Variants in NPFFR2 observed in about 807,000 individuals in gnomAD.
The protein encoded by NPFFR2 is G-protein coupled receptor 74.
In NPFFR2, 15 loss-of-function variants were observed where a neutral mutation model predicts 13.1. That is an observed-to-expected ratio of 1.15 (90% CI 0.77 to 1.76). The LOEUF (loss-of-function observed/expected upper bound fraction) is 1.76, where lower values mean the gene tolerates loss of function less well. NPFFR2 is among the 40% of genes most tolerant of loss of function. The probability of loss-of-function intolerance (pLI) is 0.00; values close to 1 mark genes in which losing one functional copy is unlikely to be tolerated. For synonymous variants in NPFFR2, 190 were observed against 175.7 expected (o/e 1.08, Z -0.65); for missense variants, 572 against 503.5 (o/e 1.14, Z -1.30).
intron 2 of NPFFR2, among the ~76,000 whole-genome samples, chr4:72,135,118 C>G (rs922915815): frequency 6.6e-6 from 1 of 152,088 alleles, no homozygotes; most frequent in Non-Finnish European, 1.5e-5. Context: ...GGTATTACTG[C>G]TGAAAAAACA....
intron 1 of NPFFR2, among the ~76,000 whole-genome samples, chr4:72,035,803 T>C (rs768940721): frequency 2.0e-5 from 3 of 152,214 alleles, no homozygotes; most frequent in Non-Finnish European, 2.9e-5. Flanking sequence ...GTTATGAAAG[T>C]ATATTTCTTA....
In NPFFR2 at chr4:72,147,478, TCAA is replaced by T; in HGVS notation, c.932_934del (p.Asn311del). The T allele has an allele frequency of 6.2e-7, 1 of 1,614,192 alleles. No individual in the cohort carries two copies. Among genetic ancestry groups the T allele is most frequent in the Non-Finnish European group, 8.5e-7 (1 of 1,180,024 alleles). On this transcript the variant is annotated inframe_deletion, in exon 4 of 4. Transcript: ENST00000308744. Reference sequence around the variant, plus strand: ...CTTTCTCCAAATGAACTGCAGATCATCAACATCTACATCTACCCTTTTGCACAC... The same window carrying T: ...CTTTCTCCAAATGAACTGCAGATCATCATCTACATCTACCCTTTTGCACAC...
chr4:72,142,208 T>C (rs1231846232), intron 3 of NPFFR2, among the ~76,000 whole-genome samples: 1 of 152,188 alleles, frequency 6.6e-6, no homozygotes, highest in African/African-American at 2.4e-5. Flanking sequence ...CTTGACTCTA[T>C]CCAATTTGCC....
intron 1 of NPFFR2, among the ~76,000 whole-genome samples, chr4:72,061,977 G>T (rs1490101283): frequency 1.3e-5 from 2 of 151,714 alleles, no homozygotes; most frequent in African/African-American, 4.8e-5. Context: ...CAGAAAGAAA[G>T]AAATTATTAC....
intron 1 of NPFFR2, among the ~76,000 whole-genome samples, chr4:72,102,745 C>A (rs1196677722): frequency 6.6e-6 from 1 of 151,978 alleles, no homozygotes; most frequent in African/African-American, 2.4e-5. Flanking sequence ...TGTATATGTG[C>A]CACATTTTCT....
chr4:72,112,813 G>A (rs1443658619), intron 1 of NPFFR2, among the ~76,000 whole-genome samples: 2 of 151,872 alleles, frequency 1.3e-5, no homozygotes, highest in African/African-American at 4.8e-5. Context: ...TATCTCACAG[G>A]GGAGGGGATA....
chr4:72,042,408 G>C (rs1719246899), intron 1 of NPFFR2, among the ~76,000 whole-genome samples: 1 of 152,178 alleles, frequency 6.6e-6, no homozygotes, highest in South Asian at 2.1e-4. Context: ...AGAATGGGGT[G>C]CTGCTATAAG....
chr4:72,134,218 C>T (rs530659596), intron 2 of NPFFR2, among the ~76,000 whole-genome samples: 3 of 152,226 alleles, frequency 2.0e-5, no homozygotes, highest in East Asian at 1.9e-4. Flanking sequence ...GAGCCGAGAT[C>T]GTGCCACTGC....
chr4:72,116,069 A>C (rs1038109846), intron 1 of NPFFR2, among the ~76,000 whole-genome samples: 15 of 152,138 alleles, frequency 9.9e-5, no homozygotes, highest in African/African-American at 3.6e-4. Flanking sequence ...CCAGAGTAGG[A>C]TATCCCTAGC....
At chr4:72,063,122 T>C (rs1176676300) in intron 1 of NPFFR2, among the ~76,000 whole-genome samples, 1 of 152,222 alleles carries the variant, frequency 6.6e-6, no homozygotes, top group Non-Finnish European at 1.5e-5. Context: ...TTTCATCTTT[T>C]TGATGCTTTT....
intron 1 of NPFFR2, among the ~76,000 whole-genome samples, chr4:72,056,826 A>G (rs549771888): frequency 1.9e-4 from 29 of 152,102 alleles, no homozygotes; most frequent in African/African-American, 6.5e-4. Flanking sequence ...TAACAAGAGA[A>G]CTAGAATTAG....
chr4:72,107,989 C>A (rs1721465335), intron 1 of NPFFR2, among the ~76,000 whole-genome samples: 1 of 151,908 alleles, frequency 6.6e-6, no homozygotes, highest in South Asian at 2.1e-4. Flanking sequence ...GCCTTACTAA[C>A]AATTTCATGA....
rs767391382 is a variant in NPFFR2 at position 72,128,610 on chromosome 4, AC to A, written c.20del (p.Thr7LysfsTer29). The A allele has an allele frequency of 2.5e-6, 4 of 1,609,214 alleles. No homozygotes were observed. The Admixed American group carries it at 5.0e-5, about 20-fold the overall frequency. On this transcript the variant is annotated frameshift_variant, in exon 2 of 4. Coordinates refer to ENST00000308744, the MANE Select transcript of NPFFR2 (RefSeq NM_004885.3). LOFTEE classifies it high-confidence loss of function. ...GTTCATCATGAATGAGAAATGGGAC[AC>A]AAACTCTTCAGAAAACTGGCATCCC... The part of the protein sequence containing the change: MNEKWD[T>X]NSSENWHPIW...
intron 1 of NPFFR2, among the ~76,000 whole-genome samples, chr4:72,088,790 C>A (rs1277589134): frequency 3.3e-5 from 5 of 152,026 alleles, no homozygotes; most frequent in African/African-American, 1.2e-4. Flanking sequence ...ATGATCCAAT[C>A]ACCTTCCACC....
chr4:72,147,427 T>C lies in NPFFR2; in HGVS notation c.878T>C (p.Leu293Pro). The change falls in exon 4 of 4, where the codon CTA becomes CCA. Residue 293 changes from leucine (L) to proline (P), a missense_variant. Physicochemically the swap from Leu to Pro is moderately conservative, Grantham distance 98. Coordinates refer to ENST00000308744, the MANE Select transcript of NPFFR2 (RefSeq NM_004885.3). ...FILSWLPLWT[L>P]MMLSDYADLS... ...CTCTCATGGCTGCCCCTGTGGACTCTAATGATGCTCTCAGACTACGCTGAC... is the reference window on the plus strand; with the variant it reads ...CTCTCATGGCTGCCCCTGTGGACTCCAATGATGCTCTCAGACTACGCTGAC... 1 of 1,614,198 alleles carries C rather than the reference T, an allele frequency of 6.2e-7. No homozygotes were observed. Among genetic ancestry groups the C allele is most frequent in the Non-Finnish European group, 8.5e-7 (1 of 1,180,030 alleles).
chr4:72,125,045 A>G (rs1721996411), intron 1 of NPFFR2, among the ~76,000 whole-genome samples: 1 of 152,246 alleles, frequency 6.6e-6, no homozygotes, highest in African/African-American at 2.4e-5. Context: ...ACAAAGGGCT[A>G]ATATCCAGAA....
chr4:72,078,525 C>T (rs1169713986), intron 1 of NPFFR2, among the ~76,000 whole-genome samples: 2 of 152,102 alleles, frequency 1.3e-5, no homozygotes, highest in Non-Finnish European at 2.9e-5. Context: ...TATCAAAATG[C>T]ACACAAGGAT....
In NPFFR2 at chr4:72,147,283, C is replaced by T. The variant is rs1269073044; in HGVS notation, c.734C>T (p.Ser245Leu). 1 of 1,614,144 alleles carries T rather than the reference C, an allele frequency of 6.2e-7. No homozygotes were observed. The highest frequency in any genetic ancestry group is 1.7e-5 in the Admixed American group (1 of 60,014). The change falls in exon 4 of 4, where the codon TCA becomes TTA. Residue 245 changes from serine to leucine, a missense_variant. Coordinates refer to ENST00000308744, the MANE Select transcript of NPFFR2 (RefSeq NM_004885.3). ...IVIMYGRIGI[S>L]LFRAAVPHTG... ...ATCATGTATGGAAGGATTGGAATTT[C>T]ACTCTTCAGGGCTGCAGTTCCTCAC...
At chr4:72,054,290 GACAA>G (rs1719677453) in intron 1 of NPFFR2, among the ~76,000 whole-genome samples, 1 of 151,800 alleles carries the variant, frequency 6.6e-6, no homozygotes, top group Non-Finnish European at 1.5e-5. Flanking sequence ...CGGCCATGTA[GACAA>G]ACAGAACACA....
Sources: allele counts gnomAD v4.1 joint callset (sites outside exome capture counted in the v4.1 genomes callset), GRCh38; gene constraint gnomAD v4.1.1; transcripts MANE v1.5; gene names NCBI Gene and HGNC (gene_info 2026-07-23, HGNC 2026-07-21).